The following SAMD12 variants were observed in gnomAD, a reference collection of about 807,000 sequenced individuals.
SAMD12 encodes the protein sterile alpha motif domain-containing protein 12.
Under a neutral mutation model 15.0 loss-of-function variants are expected in SAMD12, and 9 were observed. The observed-to-expected ratio is 0.60, with a 90% CI of 0.36 to 1.05. The LOEUF (loss-of-function observed/expected upper bound fraction) is 1.05. Among genes scored for constraint, SAMD12 ranks in the 50% least tolerant of loss-of-function variants. SAMD12 has a pLI of 0.01. For missense variants in SAMD12, 230 were observed against 234.2 expected (o/e 0.98, Z 0.12); for synonymous variants, 86 against 90.1 (o/e 0.96, Z 0.25).
intron 4 of SAMD12, among the ~76,000 whole-genome samples, chr8:118,233,428 A>G (rs984781806): frequency 1.4e-4 from 21 of 152,174 alleles, no homozygotes; most frequent in African/African-American, 5.1e-4. Flanking sequence ...CCTCTGTAGT[A>G]GAAAGAAGAT....
intron 2 of SAMD12, among the ~76,000 whole-genome samples, chr8:118,484,509 G>A (rs757707951): frequency 6.6e-6 from 1 of 152,176 alleles, no homozygotes; most frequent in Non-Finnish European, 1.5e-5. Flanking sequence ...ACAGATTGTG[G>A]TGATGGTTTC....
chr8:118,220,306 A>C (rs17432478), intron 4 of SAMD12, among the ~76,000 whole-genome samples: 4,435 of 152,240 alleles, frequency 0.029, 84 homozygotes, highest in Non-Finnish European at 0.047. Flanking sequence ...TTTATTTTCC[A>C]CTTTACAAAG....
Position 118,379,350 on chromosome 8 carries a change from T to A in SAMD12, c.*67A>T. The A allele has an allele frequency of 6.4e-7, 1 of 1,552,794 alleles. No homozygotes were observed. The highest frequency in any genetic ancestry group is 1.2e-5 in the South Asian group (1 of 81,978). On this transcript the variant is annotated 3_prime_UTR_variant, in exon 4 of 4. Coordinates refer to ENST00000314727, the MANE Select transcript of SAMD12 (RefSeq NM_207506.3). ...TAGCTCAGGTAATTCTGTTTGCTCA[T>A]CCATTACTTATTTGTGCATCCTTCT...
chr8:118,299,116 A>C (rs1466700043), intron 4 of SAMD12, among the ~76,000 whole-genome samples: 2 of 152,150 alleles, frequency 1.3e-5, no homozygotes, highest in Non-Finnish European at 2.9e-5. Context: ...GGGTGATGAT[A>C]ATGCATTTGC....
intron 1 of SAMD12, among the ~76,000 whole-genome samples, chr8:118,614,509 G>A (rs192093073): frequency 2.6e-5 from 4 of 152,274 alleles, no homozygotes; most frequent in African/African-American, 7.2e-5. Flanking sequence ...GAAAAGCCAT[G>A]AGCAGGCCTG....
In SAMD12 at chr8:118,222,503, C is replaced by T. The variant is rs185880832; in HGVS notation, c.434-24771G>A. 7.4e-4 allele frequency among the ~76,000 whole-genome samples: 113 copies of T among 152,086 alleles called. 1 individual carries two copies. Among genetic ancestry groups the T allele is most frequent in the Non-Finnish European group, 1.5e-3 (99 of 67,962 alleles). ...AAATTTAAAAATGTGTGAGGAAGTG[C>T]TTTTTATTTTTATCTTTTTGAGATG... On this transcript the variant is annotated intron_variant, in intron 4 of 4. Transcript: ENST00000409003.
chr8:118,142,143 G>A, the SAMD12 span, among the ~76,000 whole-genome samples: 1 of 152,146 alleles, frequency 6.6e-6, no homozygotes, highest in Non-Finnish European at 1.5e-5. Context: ...AGGCCTCAGA[G>A]GGAGGCTGTG....
intron 2 of SAMD12, among the ~76,000 whole-genome samples, chr8:118,466,788 A>C (rs1377383134): frequency 9.0e-6 from 1 of 110,864 alleles, no homozygotes; most frequent in Non-Finnish European, 1.8e-5. Flanking sequence ...GGCTAGCAGT[A>C]ATAGGGAGAG....
At chr8:118,364,836 C>T (rs576700222) in intron 4 of SAMD12, among the ~76,000 whole-genome samples, 1 of 152,116 alleles carries the variant, frequency 6.6e-6, no homozygotes, top group Admixed American at 6.5e-5. Context: ...CATGGGTTGT[C>T]TAGTCTCCTT....
At chr8:118,260,654 G>T (rs1439573034) in intron 4 of SAMD12, among the ~76,000 whole-genome samples, 1 of 152,084 alleles carries the variant, frequency 6.6e-6, no homozygotes, top group Non-Finnish European at 1.5e-5. Flanking sequence ...CTGATGGGCA[G>T]TACCAGCAGG....
At chr8:118,149,870 A>G in the SAMD12 span, among the ~76,000 whole-genome samples, 1 of 152,156 alleles carries the variant, frequency 6.6e-6, no homozygotes, top group Non-Finnish European at 1.5e-5. Flanking sequence ...TCCTTTGTTG[A>G]AAATTAATTG....
intron 2 of SAMD12, among the ~76,000 whole-genome samples, chr8:118,484,755 C>T (rs1783311846): frequency 2.0e-5 from 3 of 148,478 alleles, no homozygotes; most frequent in Non-Finnish European, 2.9e-5. Flanking sequence ...CTCTTGAGTG[C>T]TTTGCTCTCA....
intron 2 of SAMD12, among the ~76,000 whole-genome samples, chr8:118,555,212 C>T (rs1368632669): frequency 1.3e-5 from 2 of 152,194 alleles, no homozygotes; most frequent in Non-Finnish European, 2.9e-5. Context: ...TTAGTTTTTA[C>T]AAAAATCTTT....
intron 2 of SAMD12, among the ~76,000 whole-genome samples, chr8:118,534,177 T>G (rs1165750049): frequency 6.6e-6 from 1 of 152,174 alleles, no homozygotes; most frequent in Non-Finnish European, 1.5e-5. Context: ...GTCTGTAAAG[T>G]ATTTTATTTC....
chr8:118,413,162 C>G (rs867079632), intron 3 of SAMD12, among the ~76,000 whole-genome samples: 1 of 152,042 alleles, frequency 6.6e-6, no homozygotes, highest in East Asian at 1.9e-4. Flanking sequence ...CAGCCAAGAC[C>G]AGAAGGTCCA....
intron 4 of SAMD12, among the ~76,000 whole-genome samples, chr8:118,298,014 C>T (rs771318157): frequency 2.6e-5 from 4 of 152,148 alleles, no homozygotes; most frequent in Non-Finnish European, 4.4e-5. Context: ...CAGCTCCCTG[C>T]TTTGCGATGC....
chr8:118,510,570 T>A (rs902486159), intron 2 of SAMD12, among the ~76,000 whole-genome samples: 4 of 152,204 alleles, frequency 2.6e-5, no homozygotes, highest in African/African-American at 9.6e-5. Flanking sequence ...GCCACTCATA[T>A]CATCAATCAA....
chr8:118,323,892 T>C (rs934334688), intron 4 of SAMD12, among the ~76,000 whole-genome samples: 4 of 152,128 alleles, frequency 2.6e-5, no homozygotes, highest in African/African-American at 7.2e-5. Flanking sequence ...AACCTTTAAT[T>C]CACTTGGACT....
intron 4 of SAMD12, among the ~76,000 whole-genome samples, chr8:118,345,428 T>G (rs1006673625): frequency 3.9e-5 from 6 of 152,178 alleles, no homozygotes; most frequent in African/African-American, 1.4e-4. Context: ...CTAAGGTATA[T>G]GGTAGAGACA....
Sources: gnomAD v4.1 joint callset for allele counts (sites outside exome capture counted in the v4.1 genomes callset) on GRCh38, gnomAD v4.1.1 for gene constraint, MANE v1.5 for transcripts, NCBI Gene and HGNC (gene_info 2026-07-23, HGNC 2026-07-21) for gene names.